The following OTUD7A variants were observed in gnomAD, a reference collection of about 807,000 sequenced individuals.
OTUD7A encodes the protein OTU domain-containing protein 7A.
OTUD7A carries 12 observed loss-of-function variants against 65.7 expected under a neutral mutation model. The ratio of observed to expected loss-of-function variants is 0.18; its 90% CI spans 0.12 to 0.30. OTUD7A has a LOEUF of 0.30. Among genes scored for constraint, OTUD7A ranks in the 10% least tolerant of loss-of-function variants. OTUD7A has a pLI of 1.00. For synonymous variants in OTUD7A, 641 were observed against 586.3 expected (o/e 1.09, Z -1.35); for missense variants, 1,148 against 1,304.8 (o/e 0.88, Z 1.85).
At chr15:31,579,332 A>G (rs1291821386) in intron 3 of OTUD7A, among the ~76,000 whole-genome samples, 1 of 152,214 alleles carries the variant, frequency 6.6e-6, no homozygotes, top group Admixed American at 6.5e-5. Flanking sequence ...GAAGCACACT[A>G]TGGCTTCTCT....
chr15:31,492,509 C>T lies in OTUD7A; in HGVS notation c.1172-4943G>A, dbSNP rs150313542. Reference sequence around the variant, plus strand: ...AGGAGAATCGCTTGAACCCAGGAGGCGGAGGCTGCAGTGAGAGCCTGCAAG... The same window carrying T: ...AGGAGAATCGCTTGAACCCAGGAGGTGGAGGCTGCAGTGAGAGCCTGCAAG... On this transcript the variant is annotated intron_variant, in intron 10 of 12. Transcript: ENST00000307050. Among the ~76,000 whole-genome samples, 42 of 149,274 alleles carry T rather than the reference C, an allele frequency of 2.8e-4. No individual in the cohort carries two copies. The East Asian group carries it at 6.8e-3, about 24-fold the overall frequency.
chr15:31,858,128 T>G (rs529736551), intron 1 of OTUD7A, among the ~76,000 whole-genome samples: 41 of 152,138 alleles, frequency 2.7e-4, no homozygotes, highest in Non-Finnish European at 5.3e-4. Flanking sequence ...TAAGGAGTAT[T>G]GTTCAGGGGC....
rs181707011 is a variant in OTUD7A, at chr15:31,545,641, T to C, written c.550+13328A>G. ...GAGGATATGCAAATGGCCAATAACA[T>C]GAAAAGTACCTAATTTTACTAGTCA... On this transcript the variant is annotated intron_variant, in intron 5 of 12. Coordinates refer to ENST00000307050, the MANE Select transcript of OTUD7A (RefSeq NM_001382637.1). Among the ~76,000 whole-genome samples the C allele has an allele frequency of 3.2e-3, 483 of 152,118 alleles. 2 individuals carry two copies. Among genetic ancestry groups the C allele is most frequent in the Non-Finnish European group, 5.3e-3 (357 of 67,936 alleles).
At chr15:31,570,290 A>C in intron 3 of OTUD7A, 93 bp from the exon 4 acceptor site, 1 of 1,406,882 alleles carries the variant, frequency 7.1e-7, no homozygotes, top group Non-Finnish European at 9.8e-7. Flanking sequence ...GTTTCCCATT[A>C]GGACATAAAC....
chr15:31,816,735 T>C (rs1390273731), intron 1 of OTUD7A, among the ~76,000 whole-genome samples: 1 of 151,960 alleles, frequency 6.6e-6, no homozygotes, highest in Non-Finnish European at 1.5e-5. Flanking sequence ...CTGAGACATT[T>C]ACTACTTAAA....
At chr15:31,687,041 T>C (rs1469755161) in intron 1 of OTUD7A, among the ~76,000 whole-genome samples, 3 of 151,980 alleles carry the variant, frequency 2.0e-5, no homozygotes, top group African/African-American at 7.3e-5. Context: ...TTTCAAAACA[T>C]TCTCAAGGAA....
chr15:31,783,709 T>C (rs1286379595), intron 1 of OTUD7A, among the ~76,000 whole-genome samples: 5 of 152,130 alleles, frequency 3.3e-5, no homozygotes, highest in African/African-American at 1.2e-4. Context: ...ACTGCCTGAG[T>C]TGCACCCTGA....
At chr15:31,840,945 T>TG (rs1371038307) in intron 1 of OTUD7A, among the ~76,000 whole-genome samples, 1 of 152,188 alleles carries the variant, frequency 6.6e-6, no homozygotes, top group Admixed American at 6.5e-5. Context: ...AGTACCACGC[T>TG]GGGAGGGCTT....
rs114054134 is a variant in OTUD7A, at chr15:31,811,845, T to C, written c.-100+58662A>G. On this transcript the variant is annotated intron_variant, in intron 1 of 12. Coordinates refer to ENST00000307050, the MANE Select transcript of OTUD7A (RefSeq NM_001382637.1). ...TTCCCTGGACTAGGGCAACCTGCTT[T>C]TTCCTATCAGCCTTTCAGAGCTGTA... 6.8e-3 allele frequency among the ~76,000 whole-genome samples: 1,038 copies of C among 152,302 alleles called. 15 individuals carry two copies. The highest frequency in any genetic ancestry group is 0.024 in the African/African-American group (1,001 of 41,578).
intron 8 of OTUD7A, among the ~76,000 whole-genome samples, chr15:31,525,389 C>G (rs2041997017): frequency 6.6e-6 from 1 of 152,232 alleles, no homozygotes; most frequent in Non-Finnish European, 1.5e-5. Flanking sequence ...ATGTGGGTTT[C>G]TAATGATTTC....
chr15:31,735,299 G>A (rs867536363), intron 1 of OTUD7A, among the ~76,000 whole-genome samples: 6 of 152,178 alleles, frequency 3.9e-5, no homozygotes, highest in Non-Finnish European at 8.8e-5. Flanking sequence ...CAAGGCGGGG[G>A]TGGATCACCT....
intron 1 of OTUD7A, among the ~76,000 whole-genome samples, chr15:31,686,964 C>A (rs1378718383): frequency 6.6e-6 from 1 of 152,166 alleles, no homozygotes; most frequent in African/African-American, 2.4e-5. Context: ...AAGACTCAGT[C>A]TAATTCATAT....
At chr15:31,658,761 C>A (rs1208769647) in intron 1 of OTUD7A, among the ~76,000 whole-genome samples, 4 of 151,862 alleles carry the variant, frequency 2.6e-5, no homozygotes, top group African/African-American at 7.3e-5. Flanking sequence ...GGTGCGGTGG[C>A]TTACACCTGT....
chr15:31,526,036 G>A (rs1455486788), intron 8 of OTUD7A, among the ~76,000 whole-genome samples: 5 of 152,192 alleles, frequency 3.3e-5, no homozygotes, highest in East Asian at 1.9e-4. Context: ...CCCTGAAGGC[G>A]CACACCCCAA....
At chr15:31,745,825 A>G (rs760681408) in intron 1 of OTUD7A, among the ~76,000 whole-genome samples, 1 of 152,196 alleles carries the variant, frequency 6.6e-6, no homozygotes, top group Non-Finnish European at 1.5e-5. Flanking sequence ...TAAAAGTCCT[A>G]TGGCAACAAT....
At chr15:31,702,905 T>C (rs1179013826) in intron 1 of OTUD7A, among the ~76,000 whole-genome samples, 2 of 151,680 alleles carry the variant, frequency 1.3e-5, no homozygotes, top group African/African-American at 2.4e-5. Flanking sequence ...AATAGAAATA[T>C]AGATTGAAGG....
At chr15:31,767,416 A>C in intron 1 of OTUD7A, 1 of 774,992 alleles carries the variant, frequency 1.3e-6, no homozygotes, top group Admixed American at 1.7e-5. Flanking sequence ...AATCCAACAT[A>C]AGTTGGATTA....
intron 8 of OTUD7A, among the ~76,000 whole-genome samples, chr15:31,513,140 G>T (rs947899426): frequency 1.3e-5 from 2 of 152,120 alleles, no homozygotes; most frequent in African/African-American, 4.8e-5. Flanking sequence ...CAAAGTGCTG[G>T]GATTACAGGC....
intron 1 of OTUD7A, among the ~76,000 whole-genome samples, chr15:31,809,902 T>C (rs1380091434): frequency 6.6e-6 from 1 of 152,244 alleles, no homozygotes; most frequent in Non-Finnish European, 1.5e-5. Context: ...AACTATTTCT[T>C]AGTCCGTTAA....
Sources: gnomAD v4.1 joint callset for allele counts (sites outside exome capture counted in the v4.1 genomes callset) on GRCh38, gnomAD v4.1.1 for gene constraint, MANE v1.5 for transcripts, NCBI Gene and HGNC (gene_info 2026-07-23, HGNC 2026-07-21) for gene names.